The following ALG10B variants were observed in gnomAD, a reference collection of about 807,000 sequenced individuals.
ALG10B encodes the protein ALG10 alpha-1,2-glucosyltransferase B, also known as dol-P-Glc:Glc(2)Man(9)GlcNAc(2)-PP-Dol alpha-1,2-glucosyltransferase B.
In ALG10B, 27 loss-of-function variants were observed where a neutral mutation model predicts 38.7. The observed-to-expected ratio is 0.70, with a 90% CI of 0.51 to 0.96. ALG10B has a LOEUF of 0.96. Among genes scored for constraint, ALG10B ranks in the 40% least tolerant of loss-of-function variants. The probability of loss-of-function intolerance (pLI) is 0.00; values close to 1 mark genes in which losing one functional copy is unlikely to be tolerated. For synonymous variants in ALG10B, 177 were observed against 193.3 expected (o/e 0.92, Z 0.70); for missense variants, 522 against 542.7 (o/e 0.96, Z 0.38).
chr12:38,329,517 G>T lies in ALG10B; in HGVS notation c.*8304G>T. ...TGGAATCACAATCTCTTATTTTTAA[G>T]AATGTAGGAATATGTGTTCTATATG... On this transcript the variant is annotated 3_prime_UTR_variant, in exon 3 of 3. Transcript: ENST00000308742. 1 of 286,738 alleles carries T rather than the reference G, an allele frequency of 3.5e-6. No individual in the cohort carries two copies. Among genetic ancestry groups the T allele is most frequent in the Non-Finnish European group, 6.4e-6 (1 of 157,078 alleles). The allele number at this position is 286,738 out of a possible 1,614,324, so 17.8% of individuals were successfully genotyped here.
rs1472221238 is a variant in ALG10B at position 38,325,103 on chromosome 12, C to T, written c.*3890C>T. ...TCAGGTATGCTGTGAATTTTGTTAA[C>T]GTTTATGTTTTCCATTAATGGATAG... On this transcript the variant is annotated 3_prime_UTR_variant, in exon 3 of 3. Coordinates refer to ENST00000308742, the MANE Select transcript of ALG10B (RefSeq NM_001013620.4). The T allele has an allele frequency of 1.3e-5, 2 of 152,036 alleles. No homozygotes were observed. The highest frequency in any genetic ancestry group is 6.6e-5 in the Admixed American group (1 of 15,258). 9.4% of individuals were successfully genotyped at this position (152,036 alleles called of 1,614,324 possible). A position where few individuals can be genotyped will look rare whatever the true frequency, so the allele number is the denominator to read the frequency against.
intron 2 of ALG10B, 106 bp downstream of exon 2, chr12:38,318,564 C>A: frequency 2.3e-6 from 3 of 1,305,348 alleles, no homozygotes; most frequent in South Asian, 1.2e-5. Context: ...CACTTTGTAA[C>A]TTTGTATTTT....
At position 38,328,770 on chromosome 12, in the gene ALG10B, TGCATATG is replaced by T. The variant is rs1945768063; in HGVS notation, c.*7563_*7569del. The T allele has an allele frequency of 1.3e-5, 2 of 156,376 alleles. No individual in the cohort carries two copies. The highest frequency in any genetic ancestry group is 2.4e-5 in the African/African-American group (1 of 41,680). The allele number at this position is 156,376 out of a possible 1,614,324, so 9.7% of individuals were successfully genotyped here. ...ATATCTTCCCATATGATATGATCTT[TGCATATG>T]GCATACTTCATTCATATGACATAGT... On this transcript the variant is annotated 3_prime_UTR_variant, in exon 3 of 3. Transcript: ENST00000308742.
rs188663209 is a variant in ALG10B at position 38,326,587 on chromosome 12, C to T, written c.*5374C>T. On this transcript the variant is annotated 3_prime_UTR_variant, in exon 3 of 3. Coordinates refer to ENST00000308742, the MANE Select transcript of ALG10B (RefSeq NM_001013620.4). The stretch of plus-strand genomic sequence containing the variant: ...AATAAGAAAAATCAGTAACCTTCAA[C>T]GAATAACAGGTTAAAGAATTTAAAG... 3 of 144,822 alleles carry T rather than the reference C, an allele frequency of 2.1e-5. No individual in the cohort carries two copies. Among genetic ancestry groups the T allele is most frequent in the African/African-American group, 7.8e-5 (3 of 38,398 alleles). 9.0% of individuals were successfully genotyped at this position (144,822 alleles called of 1,614,324 possible).
chr12:38,320,492 T>C lies in ALG10B; in HGVS notation c.701T>C (p.Leu234Pro). The C allele has an allele frequency of 6.2e-7, 1 of 1,614,114 alleles. No individual in the cohort carries two copies. Residue 234 changes from leucine to proline, a missense_variant, in exon 3 of 3, where the codon CTT becomes CCT. By Grantham distance (98) the Leu-to-Pro change is moderately conservative (BLOSUM62 -3). Coordinates refer to ENST00000308742, the MANE Select transcript of ALG10B (RefSeq NM_001013620.4). ...KGPFAEFRKILQFLLAYSMSF... is the reference protein window; with the variant it reads ...KGPFAEFRKIPQFLLAYSMSF... ...CCATTTGCAGAATTCAGAAAAATTC[T>C]TCAGTTTCTTTTGGCTTATTCCATG... is the stretch of plus-strand genomic sequence containing the variant.
chr12:38,320,724 A>C lies in ALG10B; in HGVS notation c.933A>C (p.Lys311Asn). Residue 311 changes from lysine (K) to asparagine (N), a missense_variant, in exon 3 of 3, where the codon AAA becomes AAC. Physicochemically the swap from Lys to Asn is moderately conservative, Grantham distance 94. Transcript: ENST00000308742. ...FSFPHLLSPS[K>N]IKTFLSLVWK... ...TTCCTCATCTCCTGTCTCCTAGCAA[A>C]ATTAAGACTTTTCTTTCCTTAGTTT... 1 of 1,613,778 alleles carries C rather than the reference A, an allele frequency of 6.2e-7. No individual in the cohort carries two copies. The highest frequency in any genetic ancestry group is 8.5e-7 in the Non-Finnish European group (1 of 1,179,916).
Position 38,329,275 on chromosome 12 carries a change from G to T in ALG10B, c.*8062G>T. On this transcript the variant is annotated 3_prime_UTR_variant, in exon 3 of 3. Coordinates refer to ENST00000308742, the MANE Select transcript of ALG10B (RefSeq NM_001013620.4). Reference sequence around the variant, plus strand: ...TCAAATTGATATATGTTGTAATTATGAATTTAAGGAAGTAAAAAAATAACT... The same window carrying T: ...TCAAATTGATATATGTTGTAATTATTAATTTAAGGAAGTAAAAAAATAACT... 3 of 356,910 alleles carry T rather than the reference G, an allele frequency of 8.4e-6. No individual in the cohort carries two copies. Among genetic ancestry groups the T allele is most frequent in the Non-Finnish European group, 1.4e-5 (3 of 214,336 alleles). 22.1% of individuals were successfully genotyped at this position (356,910 alleles called of 1,614,324 possible).
At position 38,328,907 on chromosome 12, in the gene ALG10B, A is replaced by G. The variant is rs1945769500; in HGVS notation, c.*7694A>G. On this transcript the variant is annotated 3_prime_UTR_variant, in exon 3 of 3. Transcript: ENST00000308742. Reference sequence around the variant, plus strand: ...AGTGATTTACCCATGTTAGTCTCATAACAACTCTATGAGATCAGTACCGTA... The same window carrying G: ...AGTGATTTACCCATGTTAGTCTCATGACAACTCTATGAGATCAGTACCGTA... 3.4e-6 allele frequency: 1 copy of G among 294,204 alleles called. No individual in the cohort carries two copies. Among genetic ancestry groups the G allele is most frequent in the Non-Finnish European group, 6.2e-6 (1 of 160,882 alleles). The allele number at this position is 294,204 out of a possible 1,614,324, so 18.2% of individuals were successfully genotyped here.
In ALG10B at chr12:38,316,929, C is replaced by G; in HGVS notation, c.36C>G (p.Ala12=). 1 of 1,614,208 alleles carries G rather than the reference C, an allele frequency of 6.2e-7. No individual in the cohort carries two copies. The highest frequency in any genetic ancestry group is 8.5e-7 in the Non-Finnish European group (1 of 1,180,034). ...TAGAGGGTTACTGTTTCTCGGCCGC[C>G]TTGAGCTGTACCTTTTTAGTGTCCT... ...AQLEGYCFSA[A]LSCTFLVSCL... Residue 12 remains alanine (A), a synonymous_variant, in exon 1 of 3, where the codon GCC becomes GCG. Coordinates refer to ENST00000308742, the MANE Select transcript of ALG10B (RefSeq NM_001013620.4).
In ALG10B at chr12:38,322,869, T is replaced by G. The variant is rs536916948; in HGVS notation, c.*1656T>G. 6 of 152,334 alleles carry G rather than the reference T, an allele frequency of 3.9e-5. No individual in the cohort carries two copies. Among genetic ancestry groups the G allele is most frequent in the Admixed American group, 1.3e-4 (2 of 15,300 alleles). 9.4% of individuals were successfully genotyped at this position (152,334 alleles called of 1,614,324 possible). A position where few individuals can be genotyped will look rare whatever the true frequency, so the allele number is the denominator to read the frequency against. ...AAGTGAGATCATGTGGTATTTGTCT[T>G]TCTGTGCTTGGCTTATTTCACTTAC... is the stretch of plus-strand genomic sequence containing the variant. On this transcript the variant is annotated 3_prime_UTR_variant, in exon 3 of 3. Coordinates refer to ENST00000308742, the MANE Select transcript of ALG10B (RefSeq NM_001013620.4).
In ALG10B at chr12:38,326,093, G is replaced by A. The variant is rs1229495952; in HGVS notation, c.*4880G>A. On this transcript the variant is annotated 3_prime_UTR_variant, in exon 3 of 3. Transcript: ENST00000308742. ...AGCTTGTTCAACCCACAGGCCACAT[G>A]CAGCCCAGGATGGCTTTGAATGCGG... 2 of 152,124 alleles carry A rather than the reference G, an allele frequency of 1.3e-5. No individual in the cohort carries two copies. Among genetic ancestry groups the A allele is most frequent in the African/African-American group, 4.8e-5 (2 of 41,442 alleles). 9.4% of individuals were successfully genotyped at this position (152,124 alleles called of 1,614,324 possible).
At position 38,329,502 on chromosome 12, in the gene ALG10B, A is replaced by AT; in HGVS notation, c.*8290dup. 3.2e-6 allele frequency: 1 copy of AT among 313,368 alleles called. No homozygotes were observed. The highest frequency in any genetic ancestry group is 5.0e-5 in the East Asian group (1 of 19,984). 19.4% of individuals were successfully genotyped at this position (313,368 alleles called of 1,614,324 possible). A position where few individuals can be genotyped will look rare whatever the true frequency, so the allele number is the denominator to read the frequency against. ...TTGAAAAATTCTCTGTGGAATCACA[A>AT]TCTCTTATTTTTAAGAATGTAGGAA... is the stretch of plus-strand genomic sequence containing the variant. On this transcript the variant is annotated 3_prime_UTR_variant, in exon 3 of 3. Coordinates refer to ENST00000308742, the MANE Select transcript of ALG10B (RefSeq NM_001013620.4).
In ALG10B at chr12:38,329,188, C is replaced by G; in HGVS notation, c.*7975C>G. On this transcript the variant is annotated 3_prime_UTR_variant, in exon 3 of 3. Transcript: ENST00000308742. ...GAGGTCCACACTAATTTTGCCTCTTCCACAGGGAGATAGATTCTCATCTAC... is the reference window on the plus strand; with the variant it reads ...GAGGTCCACACTAATTTTGCCTCTTGCACAGGGAGATAGATTCTCATCTAC... The G allele has an allele frequency of 2.5e-6, 1 of 398,422 alleles. No individual in the cohort carries two copies. Among genetic ancestry groups the G allele is most frequent in the Non-Finnish European group, 4.4e-6 (1 of 225,980 alleles). The allele number at this position is 398,422 out of a possible 1,614,324, so 24.7% of individuals were successfully genotyped here.
rs1027497369 is a variant in ALG10B, at chr12:38,325,728, A to G, written c.*4515A>G. Reference sequence around the variant, plus strand: ...TATATTTGGTTGTGGCTCTGGGATCAATAAGGCAAGTGGTTTAGTCTTTAG... The same window carrying G: ...TATATTTGGTTGTGGCTCTGGGATCGATAAGGCAAGTGGTTTAGTCTTTAG... On this transcript the variant is annotated 3_prime_UTR_variant, in exon 3 of 3. Coordinates refer to ENST00000308742, the MANE Select transcript of ALG10B (RefSeq NM_001013620.4). 6.6e-6 allele frequency: 1 copy of G among 152,216 alleles called. No homozygotes were observed. Among genetic ancestry groups the G allele is most frequent in the Non-Finnish European group, 1.5e-5 (1 of 68,026 alleles). The allele number at this position is 152,216 out of a possible 1,614,324, so 9.4% of individuals were successfully genotyped here. A position where few individuals can be genotyped will look rare whatever the true frequency, so the allele number is the denominator to read the frequency against.
intron 1 of ALG10B, 77 bp downstream of exon 1, chr12:38,317,141 A>C: frequency 6.3e-7 from 1 of 1,599,526 alleles, no homozygotes; most frequent in African/African-American, 1.3e-5. Flanking sequence ...TCCCATCTTT[A>C]GACTTAACTC....
Position 38,327,458 on chromosome 12 carries a change from T to A in ALG10B, c.*6245T>A, listed in dbSNP as rs757361123. ...AGCTGATTTACAAATATTGTCTCATTTGATGCTACATTTATATTTCTATGA... is the reference window on the plus strand; with the variant it reads ...AGCTGATTTACAAATATTGTCTCATATGATGCTACATTTATATTTCTATGA... On this transcript the variant is annotated 3_prime_UTR_variant, in exon 3 of 3. Coordinates refer to ENST00000308742, the MANE Select transcript of ALG10B (RefSeq NM_001013620.4). The A allele has an allele frequency of 6.6e-6, 1 of 152,166 alleles. No individual in the cohort carries two copies. Among genetic ancestry groups the A allele is most frequent in the Admixed American group, 6.5e-5 (1 of 15,270 alleles). 9.4% of individuals were successfully genotyped at this position (152,166 alleles called of 1,614,324 possible). A position where few individuals can be genotyped will look rare whatever the true frequency, so the allele number is the denominator to read the frequency against.
Position 38,316,967 on chromosome 12 carries a change from C to T in ALG10B, c.74C>T (p.Ser25Phe). The T allele has an allele frequency of 6.2e-7, 1 of 1,614,184 alleles. No individual in the cohort carries two copies. ...TTTTTAGTGTCCTGCCTCCTCTTCT[C>T]CGCCTTCAGCCGGGCGCTGCGAGAG... ...CTFLVSCLLF[S>F]AFSRALREPY... is the part of the protein sequence containing the mutation. Residue 25 changes from serine to phenylalanine, a missense_variant, in exon 1 of 3, where the codon TCC (serine) becomes TTC (phenylalanine). Transcript: ENST00000308742.
Position 38,324,809 on chromosome 12 carries a change from G to C in ALG10B, c.*3596G>C, listed in dbSNP as rs1945730313. The C allele has an allele frequency of 6.6e-6, 1 of 152,136 alleles. No homozygotes were observed. The highest frequency in any genetic ancestry group is 6.6e-5 in the Admixed American group (1 of 15,264). The allele number at this position is 152,136 out of a possible 1,614,324, so 9.4% of individuals were successfully genotyped here. A position where few individuals can be genotyped will look rare whatever the true frequency, so the allele number is the denominator to read the frequency against. On this transcript the variant is annotated 3_prime_UTR_variant, in exon 3 of 3. Transcript: ENST00000308742. ...TTGTGTTTTCAAAAGTTATTGAGTA[G>C]ATAGATATTTTTTCATGAATTTTTA...
rs1182729220 is a variant in ALG10B, at chr12:38,324,562, C to A, written c.*3349C>A. On this transcript the variant is annotated 3_prime_UTR_variant, in exon 3 of 3. Coordinates refer to ENST00000308742, the MANE Select transcript of ALG10B (RefSeq NM_001013620.4). ...ATACTTTCGAATTTAAGATAAATGT[C>A]TTCGTTAAATTTTCTAGGCAGTTCA... 2.6e-5 allele frequency: 4 copies of A among 152,104 alleles called. No homozygotes were observed. Among genetic ancestry groups the A allele is most frequent in the Non-Finnish European group, 4.4e-5 (3 of 68,022 alleles). The allele number at this position is 152,104 out of a possible 1,614,324, so 9.4% of individuals were successfully genotyped here. A position where few individuals can be genotyped will look rare whatever the true frequency, so the allele number is the denominator to read the frequency against.
Sources: gnomAD v4.1 joint callset for allele counts on GRCh38, gnomAD v4.1.1 for gene constraint, MANE v1.5 for transcripts, NCBI Gene and HGNC (gene_info 2026-07-23, HGNC 2026-07-21) for gene names.